Variants in SYNPO2 observed in about 807,000 individuals in gnomAD.
The protein encoded by SYNPO2 is synaptopodin 2.
SYNPO2 carries 56 observed loss-of-function variants against 85.0 expected under a neutral mutation model. The observed-to-expected ratio is 0.66, with a 90% CI of 0.53 to 0.82. The LOEUF (loss-of-function observed/expected upper bound fraction) is 0.82, where lower values mean the gene tolerates loss of function less well. Ranked by LOEUF, SYNPO2 falls within the 40% of genes least tolerant of loss-of-function variation. SYNPO2 has a pLI of 0.00. For synonymous variants in SYNPO2, 602 were observed against 591.1 expected (o/e 1.02, Z -0.27); for missense variants, 1,575 against 1,534.2 (o/e 1.03, Z -0.44).
chr4:119,014,513 A>G (rs1737452821), intron 1 of SYNPO2, among the ~76,000 whole-genome samples: 1 of 152,236 alleles, frequency 6.6e-6, no homozygotes, highest in Non-Finnish European at 1.5e-5. Flanking sequence ...TTCATAAAAA[A>G]GTACTTATGT....
intron 1 of SYNPO2, among the ~76,000 whole-genome samples, chr4:118,879,183 C>G (rs541443496): frequency 6.6e-6 from 1 of 152,174 alleles, no homozygotes; most frequent in African/African-American, 2.4e-5. Flanking sequence ...CTGCACACAC[C>G]ATCTTTAAGA....
chr4:119,040,871 C>T (rs538455608), intron 4 of SYNPO2, among the ~76,000 whole-genome samples: 33 of 152,316 alleles, frequency 2.2e-4, no homozygotes, highest in African/African-American at 7.2e-4. Flanking sequence ...TCCACACTGT[C>T]CTAGGACAAA....
chr4:119,036,884 T>A, intron 4 of SYNPO2: 1 of 1,166,074 alleles, frequency 8.6e-7, no homozygotes, highest in Non-Finnish European at 1.1e-6. Context: ...TTTCTCAAAC[T>A]TCTGATTTTA....
At chr4:118,875,833 A>G (rs1438030608) in intron 1 of SYNPO2, among the ~76,000 whole-genome samples, 2 of 152,236 alleles carry the variant, frequency 1.3e-5, no homozygotes, top group Non-Finnish European at 2.9e-5. Context: ...GTGAATTGGC[A>G]CATGATAGAA....
rs997713515 is a variant in SYNPO2, at chr4:119,038,744, C to T, written c.3252+6717C>T. On this transcript the variant is annotated intron_variant, in intron 4 of 4. Transcript: ENST00000307142. Reference sequence around the variant, plus strand: ...AGTTACCCCTGGAATCTTAGAGTGTCACGGTGCCAATCCCAGTCAGGACAG... The same window carrying T: ...AGTTACCCCTGGAATCTTAGAGTGTTACGGTGCCAATCCCAGTCAGGACAG... Among the ~76,000 whole-genome samples, 6 of 152,306 alleles carry T rather than the reference C, an allele frequency of 3.9e-5. 1 individual carries two copies. The highest frequency in any genetic ancestry group is 1.4e-4 in the African/African-American group (6 of 41,566).
At chr4:118,936,456 C>A (rs1032360033) in intron 1 of SYNPO2, among the ~76,000 whole-genome samples, 2 of 152,050 alleles carry the variant, frequency 1.3e-5, no homozygotes, top group Admixed American at 6.6e-5. Context: ...TAAGATAATT[C>A]TTTTTATTTT....
At chr4:118,987,797 A>C (rs34340576) in intron 1 of SYNPO2, among the ~76,000 whole-genome samples, 36,529 of 152,060 alleles carry the variant, frequency 0.24, 4,407 homozygotes, top group East Asian at 0.3. Flanking sequence ...TGTTTTTAAA[A>C]CATCCATTTT....
chr4:118,883,291 T>C (rs1359170423), intron 1 of SYNPO2, among the ~76,000 whole-genome samples: 1 of 152,216 alleles, frequency 6.6e-6, no homozygotes. Context: ...CTTCTAGTTC[T>C]TTGAATAATT....
intron 1 of SYNPO2, among the ~76,000 whole-genome samples, chr4:118,947,220 C>T (rs989081389): frequency 2.0e-5 from 3 of 152,122 alleles, no homozygotes; most frequent in African/African-American, 7.2e-5. Context: ...TCTTTTACAG[C>T]CTGATAGGGA....
intron 1 of SYNPO2, among the ~76,000 whole-genome samples, chr4:118,910,987 A>C (rs1733116975): frequency 6.6e-6 from 1 of 152,128 alleles, no homozygotes; most frequent in African/African-American, 2.4e-5. Context: ...ATTTATTTTG[A>C]CTTTTCCCAA....
intron 4 of SYNPO2, among the ~76,000 whole-genome samples, chr4:119,052,127 T>A (rs1050325231): frequency 6.6e-6 from 1 of 151,850 alleles, no homozygotes; most frequent in African/African-American, 2.4e-5. Flanking sequence ...CTCAGGAAAT[T>A]TGGAGGGAAA....
At position 118,980,568 on chromosome 4, in the gene SYNPO2, A is replaced by G. The variant is rs1735967577; in HGVS notation, c.106-42862A>G. 1.3e-5 allele frequency among the ~76,000 whole-genome samples: 2 copies of G among 152,194 alleles called. 1 individual carries two copies. The highest frequency in any genetic ancestry group is 4.1e-4 in the South Asian group (2 of 4,830). On this transcript the variant is annotated intron_variant, in intron 1 of 4. Transcript: ENST00000307142. ...CCACCGACTGGACTAATTTTATCAG[A>G]AACTAGACTTGTAAATTAACAGAGA... is the stretch of plus-strand genomic sequence containing the variant.
chr4:118,852,737 G>A (rs1731441691), intron 1 of SYNPO2, among the ~76,000 whole-genome samples: 1 of 152,120 alleles, frequency 6.6e-6, no homozygotes, highest in Non-Finnish European at 1.5e-5. Context: ...GGTGGGAGGA[G>A]GGAGAGAATC....
intron 1 of SYNPO2, among the ~76,000 whole-genome samples, chr4:118,895,842 TTCTC>T (rs1338311694): frequency 2.0e-5 from 3 of 152,238 alleles, no homozygotes; most frequent in African/African-American, 4.8e-5. Context: ...CCAAAATAAC[TTCTC>T]TCTGTCAGTT....
intron 2 of SYNPO2, among the ~76,000 whole-genome samples, chr4:119,026,096 C>T (rs549369459): frequency 7.9e-5 from 12 of 152,282 alleles, no homozygotes; most frequent in African/African-American, 1.7e-4. Flanking sequence ...CCACTTATTA[C>T]GAAACACATG....
intron 1 of SYNPO2, among the ~76,000 whole-genome samples, chr4:118,862,819 T>C (rs1234727827): frequency 1.3e-5 from 2 of 152,132 alleles, no homozygotes; most frequent in Non-Finnish European, 2.9e-5. Context: ...TTTTTTTCTT[T>C]TGCTTTTTTG....
intron 1 of SYNPO2, among the ~76,000 whole-genome samples, chr4:118,868,149 A>AC (rs938545168): frequency 1.8e-3 from 60 of 34,198 alleles, no homozygotes; most frequent in African/African-American, 6.4e-3. Context: ...AATTTTACAT[A>AC]TTAAAAAAAA....
At chr4:118,986,235 C>A (rs1270423036) in intron 1 of SYNPO2, among the ~76,000 whole-genome samples, 2 of 152,158 alleles carry the variant, frequency 1.3e-5, no homozygotes, top group Non-Finnish European at 2.9e-5. Flanking sequence ...TGCCCTCTTG[C>A]AAAAGGCTAC....
At chr4:118,890,240 T>C (rs1732318805) in intron 1 of SYNPO2, among the ~76,000 whole-genome samples, 1 of 152,042 alleles carries the variant, frequency 6.6e-6, no homozygotes. Context: ...AGGCATCATA[T>C]GTAAATCCTT....
Sources: gnomAD v4.1 joint callset for allele counts (sites outside exome capture counted in the v4.1 genomes callset) on GRCh38, gnomAD v4.1.1 for gene constraint, MANE v1.5 for transcripts, NCBI Gene and HGNC (gene_info 2026-07-23, HGNC 2026-07-21) for gene names.